USP22: variants seen among roughly 807,000 people sequenced by gnomAD.
The protein encoded by USP22 is ubiquitin specific peptidase 22.
A neutral mutation model predicts 68.1 loss-of-function variants in USP22; 22 were observed. The ratio of observed to expected loss-of-function variants is 0.32; its 90% CI spans 0.23 to 0.46. The LOEUF (loss-of-function observed/expected upper bound fraction) is 0.46. USP22 is among the 20% of genes least tolerant of loss of function. The pLI, the probability that USP22 is intolerant of heterozygous loss-of-function variation, is 1.00. For missense variants in USP22, 433 were observed against 695.8 expected (o/e 0.62, Z 4.25); for synonymous variants, 279 against 274.2 (o/e 1.02, Z -0.17).
Position 21,028,585 on chromosome 17 carries a change from CTTT to C in USP22, c.258_260del (p.Lys88del), listed in dbSNP as rs1193828689. On this transcript the variant is annotated inframe_deletion, in exon 2 of 13. Transcript: ENST00000261497. ...CCTTCGCATGCTCGTGAATATGCTTCTTTGTGAAACAGCCGAAGAAGACACAGT... is the reference window on the plus strand; with the variant it reads ...CCTTCGCATGCTCGTGAATATGCTTCGTGAAACAGCCGAAGAAGACACAGT... The C allele has an allele frequency of 6.2e-7, 1 of 1,613,956 alleles. No individual in the cohort carries two copies. The highest frequency in any genetic ancestry group is 2.2e-5 in the East Asian group (1 of 44,890).
At chr17:21,038,921 C>T (rs1427241033) in intron 1 of USP22, among the ~76,000 whole-genome samples, 1 of 152,102 alleles carries the variant, frequency 6.6e-6, no homozygotes, top group African/African-American at 2.4e-5. Context: ...GGAGACGCCA[C>T]TGTGGTCGTG....
In USP22 at chr17:21,036,045, A is replaced by AAAAAAAAAAAG. The variant is rs1567593860; in HGVS notation, c.171+6609_171+6619dup. The stretch of plus-strand genomic sequence containing the variant: ...GACTCCGTCTCAAAAAAAAAAAAAA[A>AAAAAAAAAAAG]AAAAAAAAAAGGAATGAACTTTCAA... On this transcript the variant is annotated intron_variant, in intron 1 of 12. Coordinates refer to ENST00000261497, the MANE Select transcript of USP22 (RefSeq NM_015276.2). Among the ~76,000 whole-genome samples the AAAAAAAAAAAG allele has an allele frequency of 5.2e-4, 78 of 151,028 alleles. 3 individuals are homozygous for AAAAAAAAAAAG. The highest frequency in any genetic ancestry group is 1.8e-3 in the African/African-American group (73 of 40,834).
At chr17:21,005,037 C>T in intron 10 of USP22, 47 bp from the exon 11 acceptor site, 1 of 1,604,828 alleles carries the variant, frequency 6.2e-7, no homozygotes, top group Non-Finnish European at 8.5e-7. Flanking sequence ...ATCATCAGGC[C>T]CAGAGACACA....
At chr17:21,028,953 C>A (rs562954729) in intron 1 of USP22, among the ~76,000 whole-genome samples, 1 of 68,036 alleles carries the variant, frequency 1.5e-5, no homozygotes, top group Non-Finnish European at 3.2e-5. Context: ...ACCTCCTGCT[C>A]CTGATCCTGA....
chr17:21,006,951 T>A lies in USP22; in HGVS notation c.1267A>T (p.Thr423Ser). 6.2e-7 allele frequency: 1 copy of A among 1,609,076 alleles called. No individual in the cohort carries two copies. Among genetic ancestry groups the A allele is most frequent in the Non-Finnish European group, 8.5e-7 (1 of 1,177,450 alleles). Residue 423 changes from threonine to serine, a missense_variant, in exon 10 of 13, where the codon ACC (threonine) becomes TCC (serine). Physicochemically the swap from Thr to Ser is moderately conservative, Grantham distance 58. Coordinates refer to ENST00000261497, the MANE Select transcript of USP22 (RefSeq NM_015276.2). ...EHSAKLRRKI[T>S]TYVSFPLELD... ...TCCAGGGGGAAGGACACATACGTGGTGATCTTCCGCCGCAGCTTGGCTGAG... is the reference window on the plus strand; with the variant it reads ...TCCAGGGGGAAGGACACATACGTGGAGATCTTCCGCCGCAGCTTGGCTGAG...
rs180678917 is a variant in USP22 at position 21,010,433 on chromosome 17, T to C, written c.1103+718A>G. Among the ~76,000 whole-genome samples, 199 of 152,144 alleles carry C rather than the reference T, an allele frequency of 1.3e-3. 1 individual carries two copies. The highest frequency in any genetic ancestry group is 4.4e-3 in the African/African-American group (181 of 41,498). On this transcript the variant is annotated intron_variant, in intron 8 of 12. Transcript: ENST00000261497. Reference sequence around the variant, plus strand: ...GTGGTGGCTCATGCCTGTGAGCACTTTGGGAGGCCGAGGTGGGTGAATCAC... The same window carrying C: ...GTGGTGGCTCATGCCTGTGAGCACTCTGGGAGGCCGAGGTGGGTGAATCAC...
chr17:21,032,459 A>C (rs138077102), intron 1 of USP22, among the ~76,000 whole-genome samples: 122 of 152,322 alleles, frequency 8.0e-4, no homozygotes, highest in African/African-American at 2.8e-3. Flanking sequence ...TGTCTGGAGG[A>C]GGCCAGGAAT....
chr17:21,027,750 C>T (rs575838558), intron 2 of USP22, among the ~76,000 whole-genome samples: 2 of 152,284 alleles, frequency 1.3e-5, no homozygotes, highest in East Asian at 1.9e-4. Context: ...AGGAGGATCA[C>T]ATGAGGTCAG....
intron 12 of USP22, among the ~76,000 whole-genome samples, chr17:21,003,935 T>C (rs754207273): frequency 7.9e-4 from 119 of 151,282 alleles, no homozygotes; most frequent in Admixed American, 1.1e-3. Context: ...AACTGATGTG[T>C]TCAGTTCACG....
chr17:21,039,414 C>T (rs949911579), intron 1 of USP22, among the ~76,000 whole-genome samples: 2 of 151,440 alleles, frequency 1.3e-5, no homozygotes, highest in African/African-American at 2.4e-5. Context: ...CCCATCTCTA[C>T]GAAAAATACA....
intron 1 of USP22, chr17:21,042,198 C>T (rs1972442703): frequency 6.5e-6 from 1 of 154,148 alleles, no homozygotes; most frequent in African/African-American, 2.4e-5. Context: ...CCTCCAGAAC[C>T]AGGAGAGTTC....
intron 2 of USP22, among the ~76,000 whole-genome samples, chr17:21,021,506 TC>T (rs2143586391): frequency 6.6e-6 from 1 of 152,314 alleles, no homozygotes; most frequent in African/African-American, 2.4e-5. Context: ...GATCAGGACC[TC>T]TGCCACCTTC....
At chr17:21,026,803 A>ATTT (rs576927345) in intron 2 of USP22, among the ~76,000 whole-genome samples, 2 of 142,628 alleles carry the variant, frequency 1.4e-5, no homozygotes, top group African/African-American at 2.6e-5. Context: ...TGTCTCCACA[A>ATTT]TTTTTTTTTT....
intron 6 of USP22, among the ~76,000 whole-genome samples, chr17:21,013,507 G>C (rs1465025263): frequency 4.6e-5 from 7 of 152,270 alleles, no homozygotes; most frequent in Non-Finnish European, 1.0e-4. Flanking sequence ...GTGCAGATCT[G>C]TGAAAAAGAA....
At position 21,042,790 on chromosome 17, in the gene USP22, G is replaced by C. The variant is rs776622808; in HGVS notation, c.46C>G (p.Leu16Val). 2.7e-6 allele frequency: 4 copies of C among 1,485,078 alleles called. No individual in the cohort carries two copies. The highest frequency in any genetic ancestry group is 1.3e-5 in the South Asian group (1 of 77,878). The allele number at this position is 1,485,078 out of a possible 1,614,324, so 92.0% of individuals were successfully genotyped here. ...GAGCAGCCCGGCGGCGCTACCGCCAGCTCGGCGTCCATGGCCTCGCCCTCG... is the reference window on the plus strand; with the variant it reads ...GAGCAGCCCGGCGGCGCTACCGCCACCTCGGCGTCCATGGCCTCGCCCTCG... ...EPEGEAMDAE[L>V]AVAPPGCSHL... Residue 16 changes from leucine (L) to valine (V), a missense_variant, in exon 1 of 13, where the codon CTG becomes GTG. Leu to Val is a conservative substitution (Grantham distance 32). Coordinates refer to ENST00000261497, the MANE Select transcript of USP22 (RefSeq NM_015276.2).
chr17:21,023,140 A>T (rs996831059), intron 2 of USP22, among the ~76,000 whole-genome samples: 3 of 152,150 alleles, frequency 2.0e-5, no homozygotes, highest in African/African-American at 7.2e-5. Context: ...GAACACATGG[A>T]CACAAGAGGA....
intron 1 of USP22, among the ~76,000 whole-genome samples, chr17:21,033,819 G>A (rs1377647065): frequency 6.6e-6 from 1 of 151,746 alleles, no homozygotes; most frequent in Non-Finnish European, 1.5e-5. Context: ...CGTAATCTCC[G>A]CTAACTGCAA....
chr17:21,015,515 G>T (rs988100980), intron 6 of USP22: 2 of 512,692 alleles, frequency 3.9e-6, no homozygotes, highest in South Asian at 6.1e-5. Context: ...GGTCACTGAG[G>T]ACCTGTCATA....
intron 1 of USP22, among the ~76,000 whole-genome samples, chr17:21,032,978 C>G (rs1237698358): frequency 6.7e-6 from 1 of 149,864 alleles, no homozygotes; most frequent in Non-Finnish European, 1.5e-5. Context: ...CCCCAGGCAC[C>G]CTTGCAGCTC....
Sources: allele counts gnomAD v4.1 joint callset (sites outside exome capture counted in the v4.1 genomes callset), GRCh38; gene constraint gnomAD v4.1.1; transcripts MANE v1.5; gene names NCBI Gene and HGNC (gene_info 2026-07-23, HGNC 2026-07-21).